ERBB4: variants seen among roughly 807,000 people sequenced by gnomAD.
ERBB4 encodes receptor tyrosine-protein kinase erbB-4.
In ERBB4, 42 loss-of-function variants were observed where a neutral mutation model predicts 158.0. That is an observed-to-expected ratio of 0.27 (90% CI 0.21 to 0.34). ERBB4 has a LOEUF of 0.34. Ranked by LOEUF, ERBB4 falls within the 10% of genes least tolerant of loss-of-function variation. The probability of loss-of-function intolerance (pLI) is 1.00; values close to 1 mark genes in which losing one functional copy is unlikely to be tolerated. For synonymous variants in ERBB4, 583 were observed against 558.7 expected, an observed-to-expected ratio of 1.04 and a Z score of -0.61; for missense variants, 1,333 against 1,624.1, an observed-to-expected ratio of 0.82 and a Z score of 3.08.
intron 1 of ERBB4, among the ~76,000 whole-genome samples, chr2:212,237,690 T>C (rs2083929618): frequency 6.6e-6 from 1 of 152,170 alleles, no homozygotes; most frequent in South Asian, 2.1e-4. Context: ...CTGCCCCTTC[T>C]CCCAGGTGCT....
chr2:211,400,641 G>A (rs886598229), intron 25 of ERBB4, among the ~76,000 whole-genome samples: 4 of 151,658 alleles, frequency 2.6e-5, no homozygotes, highest in African/African-American at 9.7e-5. Flanking sequence ...GGTAGTCAAG[G>A]GGAGAGTAAG....
At chr2:212,245,330 C>T (rs1337077681) in intron 1 of ERBB4, among the ~76,000 whole-genome samples, 1 of 152,098 alleles carries the variant, frequency 6.6e-6, no homozygotes, top group African/African-American at 2.4e-5. Flanking sequence ...AATATATAAA[C>T]TGGTTTTCTA....
chr2:212,156,337 G>A (rs1389055384), intron 1 of ERBB4, among the ~76,000 whole-genome samples: 2 of 151,900 alleles, frequency 1.3e-5, no homozygotes, highest in African/African-American at 2.4e-5. Flanking sequence ...TTCATCAGCA[G>A]GGGAGCTGAA....
chr2:211,623,247 T>G (rs188422748), intron 18 of ERBB4, among the ~76,000 whole-genome samples: 1 of 151,574 alleles, frequency 6.6e-6, no homozygotes, highest in Admixed American at 6.6e-5. Flanking sequence ...GCTTTTCCTT[T>G]CCAGAAATAT....
chr2:211,808,385 T>A lies in ERBB4; in HGVS notation c.422-20226A>T, dbSNP rs541734319. Among the ~76,000 whole-genome samples the A allele has an allele frequency of 2.6e-5, 4 of 152,316 alleles. No homozygotes were observed. In the East Asian group the frequency reaches 7.7e-4, roughly 29 times the overall value. ...CCAGCACCATTTATTAAATAGGGAA[T>A]CCTTTCCCCATTGCTTTTTTTTTGT... is the stretch of plus-strand genomic sequence containing the variant. On this transcript the variant is annotated intron_variant, in intron 3 of 27. Coordinates refer to ENST00000342788, the MANE Select transcript of ERBB4 (RefSeq NM_005235.3).
chr2:211,918,193 T>C (rs2079753966), intron 3 of ERBB4, among the ~76,000 whole-genome samples: 2 of 152,222 alleles, frequency 1.3e-5, no homozygotes, highest in Admixed American at 6.5e-5. Flanking sequence ...TTTCTTTTTG[T>C]ATTTAGTAGT....
At chr2:212,261,436 GA>G (rs2106087172) in intron 1 of ERBB4, among the ~76,000 whole-genome samples, 1 of 152,068 alleles carries the variant, frequency 6.6e-6, no homozygotes, top group South Asian at 2.1e-4. Context: ...CTGCATCCCT[GA>G]AAAAAAGAAA....
chr2:211,417,895 G>C (rs900083989), intron 25 of ERBB4, among the ~76,000 whole-genome samples: 3 of 152,070 alleles, frequency 2.0e-5, no homozygotes, highest in Non-Finnish European at 4.4e-5. Context: ...TCTAAAAGTA[G>C]AGTAATAAAA....
At chr2:211,624,291 G>T (rs561545843) in intron 17 of ERBB4, among the ~76,000 whole-genome samples, 183 of 152,086 alleles carry the variant, frequency 1.2e-3, no homozygotes, top group African/African-American at 4.1e-3. Flanking sequence ...AGTAACAAAT[G>T]TGCACCTACC....
intron 20 of ERBB4, among the ~76,000 whole-genome samples, chr2:211,519,202 A>G (rs898084770): frequency 6.6e-6 from 1 of 152,292 alleles, no homozygotes. Context: ...AAATTTAGAA[A>G]GTTTTAATAC....
At chr2:212,272,690 C>A (rs1341741835) in intron 1 of ERBB4, among the ~76,000 whole-genome samples, 1 of 151,726 alleles carries the variant, frequency 6.6e-6, no homozygotes, top group East Asian at 1.9e-4. Flanking sequence ...ACTGATAATG[C>A]AAGTTTCAAG....
intron 3 of ERBB4, among the ~76,000 whole-genome samples, chr2:211,790,930 TA>T (rs1345279376): frequency 6.6e-6 from 1 of 151,986 alleles, no homozygotes; most frequent in Non-Finnish European, 1.5e-5. Context: ...TTCTTTTGAT[TA>T]ATTTGATTAC....
intron 3 of ERBB4, among the ~76,000 whole-genome samples, chr2:211,907,181 C>T (rs2079417868): frequency 6.6e-6 from 1 of 151,596 alleles, no homozygotes; most frequent in African/African-American, 2.4e-5. Context: ...AATATAATAT[C>T]TAAGAAAAAT....
intron 1 of ERBB4, among the ~76,000 whole-genome samples, chr2:212,286,603 T>TTTTTGTTTTGTTTTG (rs1341644036): frequency 1.6e-4 from 20 of 128,772 alleles, no homozygotes; most frequent in Admixed American, 3.1e-4. Context: ...ACTTTTTTTT[T>TTTTTGTTTTGTTTTG]TTTTTTTTTT....
intron 8 of ERBB4, 66 bp from the exon 9 acceptor site, chr2:211,712,242 C>T: frequency 6.8e-7 from 1 of 1,476,968 alleles, no homozygotes; most frequent in Non-Finnish European, 9.5e-7. Context: ...ATCATTGCAT[C>T]TTCATTATAA....
chr2:212,126,019 T>C (rs931330850), intron 1 of ERBB4, among the ~76,000 whole-genome samples: 2 of 152,226 alleles, frequency 1.3e-5, no homozygotes, highest in Non-Finnish European at 2.9e-5. Flanking sequence ...AAACCAGATA[T>C]GTAAAAAATA....
Position 211,535,382 on chromosome 2 carries a change from G to A in ERBB4, c.2487+26521C>T, listed in dbSNP as rs7576563. On this transcript the variant is annotated intron_variant, in intron 20 of 27. Coordinates refer to ENST00000342788, the MANE Select transcript of ERBB4 (RefSeq NM_005235.3). ...TTCAACTACCAACATTAATGTTTAC[G>A]GATGTATATTAAAATATACTCTGGG... is the stretch of plus-strand genomic sequence containing the variant. 8.6e-3 allele frequency among the ~76,000 whole-genome samples: 1,299 copies of A among 151,756 alleles called. 26 individuals are homozygous for A. The highest frequency in any genetic ancestry group is 0.03 in the African/African-American group (1,245 of 41,392).
At chr2:212,397,445 C>T (rs1259104323) in intron 1 of ERBB4, among the ~76,000 whole-genome samples, 1 of 147,834 alleles carries the variant, frequency 6.8e-6, no homozygotes, top group Non-Finnish European at 1.5e-5. Flanking sequence ...TGCACTCAGC[C>T]TGGGTGACAG....
At position 211,728,009 on chromosome 2, in the gene ERBB4, A is replaced by G. The variant is rs184097416; in HGVS notation, c.623-2815T>C. Reference sequence around the variant, plus strand: ...AACTTCAAAATAAATTATTTCTTCTATTAGTATCCTGGTACAAAATTCTGC... The same window carrying G: ...AACTTCAAAATAAATTATTTCTTCTGTTAGTATCCTGGTACAAAATTCTGC... On this transcript the variant is annotated intron_variant, in intron 5 of 27. Transcript: ENST00000342788. Among the ~76,000 whole-genome samples the G allele has an allele frequency of 3.9e-5, 6 of 152,034 alleles. No homozygotes were observed. In the East Asian group the frequency reaches 1.2e-3, roughly 29 times the overall value.
Sources: allele counts gnomAD v4.1 joint callset (sites outside exome capture counted in the v4.1 genomes callset), GRCh38; gene constraint gnomAD v4.1.1; transcripts MANE v1.5; gene names NCBI Gene and HGNC (gene_info 2026-07-23, HGNC 2026-07-21).